Variants in ADAMTS13 observed in about 807,000 individuals in gnomAD.
ADAMTS13 encodes ADAM metallopeptidase with thrombospondin type 1 motif 13, also known as A disintegrin and metalloproteinase with thrombospondin motifs 13.
Under a neutral mutation model 155.1 loss-of-function variants are expected in ADAMTS13, and 110 were observed. That is an observed-to-expected ratio of 0.71 (90% CI 0.61 to 0.83). The LOEUF (loss-of-function observed/expected upper bound fraction) is 0.83, where lower values mean the gene tolerates loss of function less well. ADAMTS13 is among the 40% of genes least tolerant of loss of function. The probability of loss-of-function intolerance (pLI) is 0.00; values close to 1 mark genes in which losing one functional copy is unlikely to be tolerated. For synonymous variants in ADAMTS13, 758 were observed against 756.4 expected (o/e 1.00, Z -0.03); for missense variants, 1,707 against 1,891.7 (o/e 0.90, Z 1.81).
At chr9:133,423,025 C>T (rs866976041) in intron 1 of ADAMTS13, 76 bp from the exon 2 acceptor site, 2 of 1,315,816 alleles carry the variant, frequency 1.5e-6, no homozygotes, top group Non-Finnish European at 2.2e-6. Context: ...ATCCTCCCAC[C>T]TCGGTCTCCC....
At chr9:133,444,713 G>C (rs1399416696) in intron 19 of ADAMTS13, 150 bp from the exon 20 acceptor site, 7 of 758,084 alleles carry the variant, frequency 9.2e-6, no homozygotes, top group East Asian at 2.7e-5. Context: ...TTCAGGGAGA[G>C]ACCCTGAGCT....
intron 19 of ADAMTS13, among the ~76,000 whole-genome samples, chr9:133,444,131 C>T (rs777461006): frequency 6.6e-5 from 10 of 152,164 alleles, no homozygotes; most frequent in East Asian, 3.9e-4. Context: ...CACTCTTCCC[C>T]GCTGAGGCCA....
intron 24 of ADAMTS13, among the ~76,000 whole-genome samples, chr9:133,454,966 A>G (rs1291469383): frequency 6.6e-6 from 1 of 152,142 alleles, no homozygotes; most frequent in Non-Finnish European, 1.5e-5. Context: ...GGGCTCGCTC[A>G]TGGTGTGGAG....
intron 7 of ADAMTS13, chr9:133,429,718 G>GCTCC: frequency 1.4e-6 from 1 of 711,650 alleles, no homozygotes; most frequent in Non-Finnish European, 2.5e-6. Context: ...CTCCGTCGCC[G>GCTCC]CTCCCTCTGC....
At chr9:133,434,732 C>T (rs992532640) in intron 11 of ADAMTS13, among the ~76,000 whole-genome samples, 12 of 152,208 alleles carry the variant, frequency 7.9e-5, no homozygotes, top group African/African-American at 2.9e-4. Flanking sequence ...AGTTTCAGAA[C>T]GTTTCCAGTA....
chr9:133,419,477 AAG>A (rs1839856374), upstream of ADAMTS13, among the ~76,000 whole-genome samples: 2 of 152,190 alleles, frequency 1.3e-5, no homozygotes, highest in African/African-American at 2.4e-5. Flanking sequence ...AGTTCATCCA[AAG>A]AGAGAGTACC....
At chr9:133,415,521 A>G (rs1839534435) in intron 1 of ADAMTS13, 1 of 154,914 alleles carries the variant, frequency 6.5e-6, no homozygotes, top group African/African-American at 2.4e-5. Flanking sequence ...GAGTGGCTGA[A>G]GAACTGCTAG....
At position 133,454,326 on chromosome 9, in the gene ADAMTS13, C is replaced by T. The variant is rs902385385; in HGVS notation, c.3045-89C>T. The T allele has an allele frequency of 4.1e-5, 61 of 1,483,852 alleles. 1 individual carries two copies. The South Asian group carries it at 4.6e-4, about 11-fold the overall frequency. 91.9% of individuals were successfully genotyped at this position (1,483,852 alleles called of 1,614,324 possible). On this transcript the variant is annotated intron_variant, in intron 23 of 28. Coordinates refer to ENST00000355699, the MANE Select transcript of ADAMTS13 (RefSeq NM_139027.6). ...CACGGAAGCTGTCTAGGCAACTGTC[C>T]GAGTACACGTGGGTGGAGAGGGGCC...
Position 133,456,710 on chromosome 9 carries a change from T to A in ADAMTS13, c.3715T>A (p.Phe1239Ile). The change falls in exon 27 of 29, where the codon TTC (phenylalanine) becomes ATC (isoleucine). Residue 1239 changes from phenylalanine to isoleucine, a missense_variant. By Grantham distance (21) the Phe-to-Ile change is conservative. This residue lies in a region of ADAMTS13 where 961 missense variants were observed against 1,107.9 expected (regional missense o/e 0.87). Transcript: ENST00000355699. The surrounding 1 kb of genome is among the most constrained non-coding windows in gnomAD (Gnocchi z 4.4). ...TGGGAGCCAGCTTGCTCCTGAAACC[T>A]TCTACAGAGGTATGGCCAGGCCTTC... The part of the protein sequence containing the change: ...RYGSQLAPET[F>I]YRECDMQLFG... The A allele has an allele frequency of 3.8e-6, 6 of 1,565,562 alleles. No individual in the cohort carries two copies. The highest frequency in any genetic ancestry group is 5.2e-6 in the Non-Finnish European group (6 of 1,154,224).
intron 27 of ADAMTS13, among the ~76,000 whole-genome samples, chr9:133,457,228 GC>G (rs1179543379): frequency 6.6e-6 from 1 of 152,152 alleles, no homozygotes; most frequent in African/African-American, 2.4e-5. Context: ...GTCCTGGGGG[GC>G]TTGCCCTCTC....
intron 28 of ADAMTS13, 27 bp from the exon 29 acceptor site, chr9:133,458,947 C>T: frequency 6.2e-7 from 1 of 1,602,050 alleles, no homozygotes; most frequent in Non-Finnish European, 8.5e-7. Flanking sequence ...TGTGGCCGGT[C>T]CTTCTGGGCT....
intron 9 of ADAMTS13, 67 bp downstream of exon 9, chr9:133,432,759 G>T: frequency 6.9e-7 from 1 of 1,457,604 alleles, no homozygotes; most frequent in Non-Finnish European, 9.3e-7. Flanking sequence ...CAGCCAGGCC[G>T]CCCTATTCCT....
In ADAMTS13 at chr9:133,433,478, G is replaced by T; in HGVS notation, c.1193G>T (p.Arg398Leu). Residue 398 changes from arginine (R) to leucine (L), a missense_variant, in exon 10 of 29, where the codon CGC (arginine) becomes CTC (leucine). Physicochemically the swap from Arg to Leu is moderately radical, Grantham distance 102 (BLOSUM62 -2). Around this residue, in one of 3 missense-constraint regions of ADAMTS13, gnomAD observed 733 missense variants for 749.6 expected, o/e 0.98. Coordinates refer to ENST00000355699, the MANE Select transcript of ADAMTS13 (RefSeq NM_139027.6). ...TGGGGTCCCCGAAGTCCTTGCTCCC[G>T]CTCCTGCGGAGGAGGTGTGGTCACC... ...SSWGPRSPCS[R>L]SCGGGVVTRR... The T allele has an allele frequency of 6.2e-7, 1 of 1,613,444 alleles. No homozygotes were observed.
chr9:133,453,807 G>T (rs1405490417), intron 23 of ADAMTS13, among the ~76,000 whole-genome samples: 1 of 152,160 alleles, frequency 6.6e-6, no homozygotes, highest in Non-Finnish European at 1.5e-5. Context: ...GGTCTGGTTT[G>T]GTTCACTGCC....
chr9:133,459,146 A>C lies in ADAMTS13; in HGVS notation c.4082A>C (p.Asp1361Ala), dbSNP rs1554797175. Residue 1361 changes from aspartate to alanine, a missense_variant, in exon 29 of 29, where the codon GAC becomes GCC. Around this residue, in one of 3 missense-constraint regions of ADAMTS13, gnomAD observed 961 missense variants for 1,107.9 expected, o/e 0.87. Coordinates refer to ENST00000355699, the MANE Select transcript of ADAMTS13 (RefSeq NM_139027.6). ...TLQSWVPEMQ[D>A]PQSWKGKEGT is the part of the protein sequence containing the mutation. ...CAATCATGGGTACCGGAGATGCAGG[A>C]CCCTCAGTCCTGGAAGGGAAAGGAA... 9 of 1,612,312 alleles carry C rather than the reference A, an allele frequency of 5.6e-6. No homozygotes were observed. In the South Asian group the frequency reaches 8.8e-5, roughly 16 times the overall value.
At position 133,423,183 on chromosome 9, in the gene ADAMTS13, T is replaced by C; in HGVS notation, c.172+16T>C. 1 of 1,612,900 alleles carries C rather than the reference T, an allele frequency of 6.2e-7. No individual in the cohort carries two copies. The highest frequency in any genetic ancestry group is 8.5e-7 in the Non-Finnish European group (1 of 1,178,998). On this transcript the variant is annotated intron_variant, in intron 2 of 28. Coordinates refer to ENST00000355699, the MANE Select transcript of ADAMTS13 (RefSeq NM_139027.6). The stretch of plus-strand genomic sequence containing the variant: ...CCCTTAAAAGGTACTTGTCCTGGTG[T>C]CTTCTCTCCCGGGGGGAGTTTCTCA...
intron 21 of ADAMTS13, among the ~76,000 whole-genome samples, chr9:133,447,675 G>A (rs1054566995): frequency 1.3e-5 from 2 of 151,568 alleles, no homozygotes; most frequent in Non-Finnish European, 2.9e-5. Flanking sequence ...TGCAACCTCC[G>A]CCTCCCATGT....
intron 6 of ADAMTS13, among the ~76,000 whole-genome samples, chr9:133,427,375 ATTG>A (rs1336108969): frequency 6.6e-6 from 1 of 152,208 alleles, no homozygotes; most frequent in Non-Finnish European, 1.5e-5. Flanking sequence ...ATAATACCCA[ATTG>A]TTGTAAAAAT....
intron 14 of ADAMTS13, among the ~76,000 whole-genome samples, chr9:133,438,873 T>C (rs36220944): frequency 0.019 from 2,794 of 143,946 alleles, 49 homozygotes; most frequent in Non-Finnish European, 0.031. Context: ...GAGATCCCTC[T>C]GCACTCCAGC....
Sources: allele counts gnomAD v4.1 joint callset (sites outside exome capture counted in the v4.1 genomes callset), GRCh38; gene constraint gnomAD v4.1.1; regional missense constraint gnomAD v4.1.1; non-coding constraint Gnocchi (gnomAD v3.1); transcripts MANE v1.5; gene names NCBI Gene and HGNC (gene_info 2026-07-23, HGNC 2026-07-21).